Variants in TSPAN13 observed in about 807,000 individuals in gnomAD.
TSPAN13 encodes tetraspanin 13.
Under a neutral mutation model 26.9 loss-of-function variants are expected in TSPAN13, and 18 were observed. The ratio of observed to expected loss-of-function variants is 0.67; its 90% CI spans 0.46 to 0.99. TSPAN13 has a LOEUF of 0.99. Among genes scored for constraint, TSPAN13 ranks in the 50% least tolerant of loss-of-function variants. TSPAN13 has a pLI of 0.00. For missense variants in TSPAN13, 201 were observed against 249.6 expected (o/e 0.81, Z 1.31); for synonymous variants, 116 against 98.4 (o/e 1.18, Z -1.06).
chr7:16,760,678 CAGG>C (rs1177755986), intron 1 of TSPAN13, among the ~76,000 whole-genome samples: 1 of 151,994 alleles, frequency 6.6e-6, no homozygotes, highest in African/African-American at 2.4e-5. Flanking sequence ...TTAAGAGATT[CAGG>C]AGATGAGGAA....
chr7:16,754,373 G>C (rs1027189487), intron 1 of TSPAN13, among the ~76,000 whole-genome samples: 2 of 152,116 alleles, frequency 1.3e-5, no homozygotes, highest in Non-Finnish European at 2.9e-5. Context: ...TCTGCCGCTC[G>C]CTCCTGACAT....
chr7:16,778,304 C>G (rs1458433151), intron 4 of TSPAN13, among the ~76,000 whole-genome samples: 1 of 152,210 alleles, frequency 6.6e-6, no homozygotes, highest in South Asian at 2.1e-4. Context: ...GAGATTATCT[C>G]CTTGTAGGGG....
intron 1 of TSPAN13, among the ~76,000 whole-genome samples, chr7:16,759,047 T>C (rs1440826534): frequency 6.6e-6 from 1 of 152,100 alleles, no homozygotes; most frequent in Non-Finnish European, 1.5e-5. Flanking sequence ...TTATATATCG[T>C]ATTAGAAGGT....
chr7:16,780,187 C>T (rs1784800344), intron 5 of TSPAN13, among the ~76,000 whole-genome samples: 1 of 151,954 alleles, frequency 6.6e-6, no homozygotes, highest in African/African-American at 2.4e-5. Context: ...GCAAGCTCCA[C>T]CTCTTGGGTT....
rs541799705 is a variant in TSPAN13 at position 16,775,969 on chromosome 7, C to T, written c.64-242C>T. ...CTTCTGAGGCTCTGTGAGAATTTTG[C>T]GTATTATCAGTCTTTTTTTTTCTTT... On this transcript the variant is annotated intron_variant, in intron 1 of 5. Coordinates refer to ENST00000262067, the MANE Select transcript of TSPAN13 (RefSeq NM_014399.4). 7.1e-5 allele frequency: 28 copies of T among 395,094 alleles called. No homozygotes were observed. In the Middle Eastern group the frequency reaches 4.0e-3, roughly 57 times the overall value. 24.5% of individuals were successfully genotyped at this position (395,094 alleles called of 1,614,324 possible).
intron 1 of TSPAN13, among the ~76,000 whole-genome samples, chr7:16,764,314 A>G (rs1042176789): frequency 1.3e-5 from 2 of 152,054 alleles, no homozygotes; most frequent in African/African-American, 4.8e-5. Flanking sequence ...GGTGTGAGCC[A>G]CCGCGCCTGG....
chr7:16,755,850 A>T (rs1784476279), intron 1 of TSPAN13, among the ~76,000 whole-genome samples: 1 of 152,312 alleles, frequency 6.6e-6, no homozygotes, highest in Admixed American at 6.5e-5. Flanking sequence ...AAGAAAGGTG[A>T]TTCTAAAGGG....
In TSPAN13 at chr7:16,776,388, T is replaced by A. The variant is rs747066740; in HGVS notation, c.231+10T>A. ...GGTGTTGCTATTTTTTGTATCCTTT[T>A]TAAAAATCAAGATTTTACTCTTGAT... On this transcript the variant is annotated intron_variant, in intron 2 of 5. Coordinates refer to ENST00000262067, the MANE Select transcript of TSPAN13 (RefSeq NM_014399.4). 10 of 1,606,242 alleles carry A rather than the reference T, an allele frequency of 6.2e-6. No homozygotes were observed. In the South Asian group the frequency reaches 1.1e-4, roughly 18 times the overall value.
rs1784587355 is a variant in TSPAN13 at position 16,764,776 on chromosome 7, CTTAA to C, written c.63+10750_63+10753del. ...TATTACATCTCAGTGTTAAAAATTT[CTTAA>C]TTATTTTCCTAGGCACTATGATGCA... On this transcript the variant is annotated intron_variant, in intron 1 of 5. Transcript: ENST00000262067. Among the ~76,000 whole-genome samples, 3 of 151,926 alleles carry C rather than the reference CTTAA, an allele frequency of 2.0e-5. No homozygotes were observed. The South Asian group carries it at 6.2e-4, about 32-fold the overall frequency.
intron 1 of TSPAN13, among the ~76,000 whole-genome samples, chr7:16,768,766 T>C (rs772949296): frequency 2.1e-4 from 32 of 152,240 alleles, no homozygotes; most frequent in Non-Finnish European, 2.6e-4. Context: ...ACTCTTTCTC[T>C]GCTGACTTAG....
intron 1 of TSPAN13, 130 bp from the exon 2 acceptor site, chr7:16,776,081 T>G (rs1784739621): frequency 1.3e-6 from 1 of 772,250 alleles, no homozygotes; most frequent in Non-Finnish European, 2.0e-6. Flanking sequence ...TTGTATTAAG[T>G]TTTAGTGCTT....
intron 1 of TSPAN13, among the ~76,000 whole-genome samples, chr7:16,769,191 C>G (rs1784646117): frequency 3.9e-5 from 6 of 152,010 alleles, no homozygotes; most frequent in Admixed American, 2.0e-4. Context: ...TTTTTAAAAT[C>G]TATTTAATTT....
chr7:16,776,407 T>C (rs1283778151), intron 2 of TSPAN13, 29 bp downstream of exon 2: 2 of 1,595,784 alleles, frequency 1.3e-6, no homozygotes, highest in East Asian at 2.2e-5. Flanking sequence ...AAGATTTTAC[T>C]CTTGATGACT....
chr7:16,767,205 C>T (rs1430579197), intron 1 of TSPAN13, among the ~76,000 whole-genome samples: 1 of 152,166 alleles, frequency 6.6e-6, no homozygotes, highest in Non-Finnish European at 1.5e-5. Context: ...AGTCACTGTT[C>T]TGAAATCAAG....
intron 2 of TSPAN13, 66 bp downstream of exon 2, chr7:16,776,444 A>C (rs1487105427): frequency 6.8e-7 from 1 of 1,480,416 alleles, no homozygotes. Flanking sequence ...CTAATTTAAT[A>C]TTATCACTAG....
chr7:16,765,102 A>G (rs916364740), intron 1 of TSPAN13, among the ~76,000 whole-genome samples: 1 of 150,932 alleles, frequency 6.6e-6, no homozygotes, highest in African/African-American at 2.4e-5. Flanking sequence ...CCTGGCTAAG[A>G]ATTTCTTTCT....
Position 16,776,325 on chromosome 7 carries a change from G to C in TSPAN13, c.178G>C (p.Ala60Pro). ...IAVGIFLFLIALVGLIGAVKH... is the reference protein window; with the variant it reads ...IAVGIFLFLIPLVGLIGAVKH... ...AGTGGGCATCTTCTTGTTCCTGATT[G>C]CTTTAGTGGGTCTGATTGGAGCTGT... is the stretch of plus-strand genomic sequence containing the variant. Residue 60 changes from alanine (A) to proline (P), a missense_variant, in exon 2 of 6, where the codon GCT (alanine) becomes CCT (proline). By Grantham distance (27) the Ala-to-Pro change is conservative. Coordinates refer to ENST00000262067, the MANE Select transcript of TSPAN13 (RefSeq NM_014399.4). 2 of 1,614,030 alleles carry C rather than the reference G, an allele frequency of 1.2e-6. No individual in the cohort carries two copies. The highest frequency in any genetic ancestry group is 1.7e-6 in the Non-Finnish European group (2 of 1,179,998).
Position 16,753,874 on chromosome 7 carries a change from G to C in TSPAN13, c.-94G>C. 7.3e-7 allele frequency: 1 copy of C among 1,361,366 alleles called. No homozygotes were observed. The highest frequency in any genetic ancestry group is 1.0e-6 in the Non-Finnish European group (1 of 973,716). 84.3% of individuals were successfully genotyped at this position (1,361,366 alleles called of 1,614,324 possible). A position where few individuals can be genotyped will look rare whatever the true frequency, so the allele number is the denominator to read the frequency against. On this transcript the variant is annotated 5_prime_UTR_variant, in exon 1 of 6. Coordinates refer to ENST00000262067, the MANE Select transcript of TSPAN13 (RefSeq NM_014399.4). ...CCACGTCTGCGTTGCTGCCCCGCCT[G>C]GGCCAGGCCCCAAAGGCAAGGACAA...
At chr7:16,756,725 A>G (rs1191442022) in intron 1 of TSPAN13, among the ~76,000 whole-genome samples, 1 of 152,200 alleles carries the variant, frequency 6.6e-6, no homozygotes, top group Non-Finnish European at 1.5e-5. Flanking sequence ...TTGTAAATAT[A>G]GAAGAAAAGG....
Sources: allele counts gnomAD v4.1 joint callset (sites outside exome capture counted in the v4.1 genomes callset), GRCh38; gene constraint gnomAD v4.1.1; transcripts MANE v1.5; gene names NCBI Gene and HGNC (gene_info 2026-07-23, HGNC 2026-07-21).